The following HSPA4 variants were observed in gnomAD, a reference collection of about 807,000 sequenced individuals.
The protein encoded by HSPA4 is heat shock 70 kDa protein 4.
Under a neutral mutation model 106.2 loss-of-function variants are expected in HSPA4, and 25 were observed. That is an observed-to-expected ratio of 0.24 (90% CI 0.17 to 0.33). The LOEUF (loss-of-function observed/expected upper bound fraction) is 0.33. HSPA4 is among the 10% of genes least tolerant of loss of function. The probability of loss-of-function intolerance (pLI) is 1.00; values close to 1 mark genes in which losing one functional copy is unlikely to be tolerated. For missense variants in HSPA4, 841 were observed against 996.0 expected, an observed-to-expected ratio of 0.84 and a Z score of 2.10; for synonymous variants, 332 against 333.6, an observed-to-expected ratio of 1.00 and a Z score of 0.05.
intron 1 of HSPA4, among the ~76,000 whole-genome samples, chr5:133,055,849 A>G (rs1467453355): frequency 6.6e-6 from 1 of 152,236 alleles, no homozygotes; most frequent in Non-Finnish European, 1.5e-5. Flanking sequence ...AGGCTGAGGT[A>G]GGAGGATCGC....
rs1765821543 is a variant in HSPA4 at position 133,103,900 on chromosome 5, G to C, written c.2193G>C (p.Met731Ile). 1.2e-6 allele frequency: 2 copies of C among 1,613,928 alleles called. No homozygotes were observed. Among genetic ancestry groups the C allele is most frequent in the African/African-American group, 2.7e-5 (2 of 74,924 alleles). The change falls in exon 18 of 19, where the codon ATG (methionine) becomes ATC (isoleucine). Residue 731 changes from methionine to isoleucine, a missense_variant. This residue lies in a region of HSPA4 where 328 missense variants were observed against 372.2 expected (regional missense o/e 0.88). Coordinates refer to ENST00000304858, the MANE Select transcript of HSPA4 (RefSeq NM_002154.4). Reference sequence around the variant, plus strand: ...ATGATCATTTGGATGCTGCTGACATGACAAAGGTAGAAAAAAGCACAAATG... The same window carrying C: ...ATGATCATTTGGATGCTGCTGACATCACAAAGGTAGAAAAAAGCACAAATG... ...DQYDHLDAADMTKVEKSTNEA... is the reference protein window; with the variant it reads ...DQYDHLDAADITKVEKSTNEA...
intron 7 of HSPA4, 84 bp downstream of exon 7, chr5:133,076,982 T>A: frequency 8.3e-7 from 1 of 1,200,638 alleles, no homozygotes; most frequent in South Asian, 1.5e-5. Context: ...ATTGTTAAAA[T>A]AATCACGGAG....
At chr5:133,083,276 C>T (rs995362369) in intron 7 of HSPA4, among the ~76,000 whole-genome samples, 2 of 152,066 alleles carry the variant, frequency 1.3e-5, no homozygotes, top group African/African-American at 4.8e-5. Flanking sequence ...CGTGCCACTG[C>T]ACTCCAGCCT....
chr5:133,073,961 T>A, intron 5 of HSPA4, 32 bp from the exon 6 acceptor site: 11 of 1,497,992 alleles, frequency 7.3e-6, no homozygotes, highest in Non-Finnish European at 9.9e-6. Flanking sequence ...ACTTAGACGT[T>A]ATTTTTAATT....
chr5:133,076,782 A>G lies in HSPA4; in HGVS notation c.792A>G (p.Leu264=), dbSNP rs371355327. The stretch of plus-strand genomic sequence containing the variant: ...TTAAGTCCAAAATCCGTGCATTATT[A>G]CGACTCTCTCAGGAGTGTGAGAAAC... ...LDIKSKIRAL[L]RLSQECEKLK... is the part of the protein sequence containing the mutation. The change falls in exon 7 of 19, where the codon TTA becomes TTG. Residue 264 remains leucine (L), a synonymous_variant. Transcript: ENST00000304858. The G allele has an allele frequency of 8.7e-6, 14 of 1,614,028 alleles. No individual in the cohort carries two copies. In the South Asian group the frequency reaches 8.8e-5, roughly 10 times the overall value.
At chr5:133,053,256 T>TA in intron 1 of HSPA4, among the ~76,000 whole-genome samples, 1 of 152,144 alleles carries the variant, frequency 6.6e-6, no homozygotes, top group Non-Finnish European at 1.5e-5. Flanking sequence ...AGATACATTT[T>TA]AATCCGTTGT....
In HSPA4 at chr5:133,070,359, G is replaced by A; in HGVS notation, c.307-15G>A. 1 of 1,604,828 alleles carries A rather than the reference G, an allele frequency of 6.2e-7. No homozygotes were observed. Among genetic ancestry groups the A allele is most frequent in the Non-Finnish European group, 8.5e-7 (1 of 1,177,020 alleles). ...AAATATAATAAGTCTAGGCCCCTTT[G>A]TTGTTTTCTTGCAGGTGACATATAT... On this transcript the variant is annotated splice_polypyrimidine_tract_variant and intron_variant, in intron 3 of 18. Transcript: ENST00000304858.
rs1177772127 is a variant in HSPA4 at position 133,086,857 on chromosome 5, C to A, written c.984C>A (p.Thr328=). ...EPPLRSVLEQ[T]KLKKEDIYAV... ...CACTTCGTAGTGTTTTGGAACAAAC[C>A]AGTAAGTATTTTTGTGATTGAATTT... The change falls in exon 8 of 19, where the codon ACC becomes ACA. Residue 328 remains threonine (T), a splice_region_variant and synonymous_variant. Transcript: ENST00000304858. The A allele has an allele frequency of 5.6e-6, 9 of 1,604,948 alleles. No homozygotes were observed. In the East Asian group the frequency reaches 2.0e-4, roughly 36 times the overall value.
In HSPA4 at chr5:133,064,972, T is replaced by C. The variant is rs1765289877; in HGVS notation, c.108-8T>C. 1 of 1,612,032 alleles carries C rather than the reference T, an allele frequency of 6.2e-7. No individual in the cohort carries two copies. Among genetic ancestry groups the C allele is most frequent in the South Asian group, 1.1e-5 (1 of 90,654 alleles). On this transcript the variant is annotated splice_region_variant and splice_polypyrimidine_tract_variant and intron_variant, in intron 1 of 18. Transcript: ENST00000304858. ...ATTTAATTCTTAAGTGCTTTTTTTG[T>C]CTTCTAGGGCTTGCATTTCTTTTGG...
chr5:133,059,189 T>C (rs151014934), intron 1 of HSPA4, among the ~76,000 whole-genome samples: 15,943 of 151,624 alleles, frequency 0.11, 1,124 homozygotes, highest in Non-Finnish European at 0.16. Flanking sequence ...GGCTCGTGCC[T>C]GTAATCCCAG....
rs529692017 is a variant in HSPA4, at chr5:133,055,387, T to C, written c.107+3030T>C. ...TTTGGAGCTCATATGTAAAAAAGAC[T>C]GCATGTTGTGGGTTTGTTTTAACAT... On this transcript the variant is annotated intron_variant, in intron 1 of 18. Transcript: ENST00000304858. Among the ~76,000 whole-genome samples the C allele has an allele frequency of 4.2e-5, 6 of 142,374 alleles. No individual in the cohort carries two copies. In the South Asian group the frequency reaches 1.4e-3, roughly 33 times the overall value. The allele number at this position is 142,374 out of a possible 152,430, so 93.4% of individuals were successfully genotyped here. A position where few individuals can be genotyped will look rare whatever the true frequency, so the allele number is the denominator to read the frequency against.
chr5:133,077,319 A>G (rs552559494), intron 7 of HSPA4, among the ~76,000 whole-genome samples: 4 of 152,058 alleles, frequency 2.6e-5, no homozygotes, highest in Non-Finnish European at 4.4e-5. Context: ...ACTCACTGCA[A>G]CCTCCACCCC....
At chr5:133,075,205 CT>C (rs1765433276) in intron 6 of HSPA4, among the ~76,000 whole-genome samples, 1 of 152,050 alleles carries the variant, frequency 6.6e-6, no homozygotes, top group South Asian at 2.1e-4. Flanking sequence ...TGTGATTTTG[CT>C]TTTTGACAGC....
chr5:133,076,975 G>A (rs1271883998), intron 7 of HSPA4, 77 bp downstream of exon 7: 1 of 1,247,060 alleles, frequency 8.0e-7, no homozygotes, highest in African/African-American at 1.5e-5. Context: ...TTGGCTAATT[G>A]TTAAAATAAT....
chr5:133,083,550 T>G (rs1486941863), intron 7 of HSPA4, among the ~76,000 whole-genome samples: 1 of 152,100 alleles, frequency 6.6e-6, no homozygotes, highest in Non-Finnish European at 1.5e-5. Context: ...TTATTATTAT[T>G]TTTTGAGATG....
At chr5:133,085,769 G>GGGATGAATAGTTGGAGCACAGGGAA (rs1285861523) in intron 7 of HSPA4, among the ~76,000 whole-genome samples, 2 of 129,212 alleles carry the variant, frequency 1.5e-5, no homozygotes, top group Non-Finnish European at 3.0e-5. Flanking sequence ...AGCACAGGGA[G>GGGATGAATAGTTGGAGCACAGGGAA]GGATGAATAG....
intron 1 of HSPA4, among the ~76,000 whole-genome samples, chr5:133,054,849 G>C (rs578111790): frequency 1.3e-5 from 2 of 152,264 alleles, no homozygotes; most frequent in South Asian, 2.1e-4. Flanking sequence ...CTAAAGCGCT[G>C]AGTTAATGTA....
intron 17 of HSPA4, 92 bp from the exon 18 acceptor site, chr5:133,103,773 A>C: frequency 9.9e-7 from 1 of 1,011,846 alleles, no homozygotes; most frequent in South Asian, 1.6e-5. Flanking sequence ...GAAAGATTAT[A>C]AGTTTTTGAA....
rs911434178 is a variant in HSPA4, at chr5:133,104,537, A to C, written c.*101A>C. On this transcript the variant is annotated 3_prime_UTR_variant, in exon 19 of 19. Transcript: ENST00000304858. Reference sequence around the variant, plus strand: ...CGCAAGTGAATACTGAAGATTTCTTAGTCAGTTTTTAGGGGATTTTCGGGG... The same window carrying C: ...CGCAAGTGAATACTGAAGATTTCTTCGTCAGTTTTTAGGGGATTTTCGGGG... 3 of 1,121,236 alleles carry C rather than the reference A, an allele frequency of 2.7e-6. No homozygotes were observed. The African/African-American group carries it at 4.7e-5, about 18-fold the overall frequency. 69.5% of individuals were successfully genotyped at this position (1,121,236 alleles called of 1,614,324 possible).
Sources: gnomAD v4.1 joint callset for allele counts (sites outside exome capture counted in the v4.1 genomes callset) on GRCh38, gnomAD v4.1.1 for gene constraint, gnomAD v4.1.1 regional missense constraint, MANE v1.5 for transcripts, NCBI Gene and HGNC (gene_info 2026-07-23, HGNC 2026-07-21) for gene names.